SAMMSON: variants seen among roughly 807,000 people sequenced by gnomAD.
SAMMSON encodes the protein survival associated mitochondrial melanoma specific oncogenic non-coding RNA.
Position 70,125,326 on chromosome 3 carries a change from A to T in SAMMSON, n.507+53761A>T, listed in dbSNP as rs971564610. 4.3e-6 allele frequency: 6 copies of T among 1,411,434 alleles called. No individual in the cohort carries two copies. The Admixed American group carries it at 9.5e-5, about 22-fold the overall frequency. 87.4% of individuals were successfully genotyped at this position (1,411,434 alleles called of 1,614,324 possible). ...AAATATATTTAAGGTCCTTTTCTTGAACATGTTTAGCTAAATTCTTTACAT... is the reference window on the plus strand; with the variant it reads ...AAATATATTTAAGGTCCTTTTCTTGTACATGTTTAGCTAAATTCTTTACAT... On this transcript the variant is annotated intron_variant and non_coding_transcript_variant, in intron 4 of 9. Coordinates refer to ENST00000642114, the Ensembl canonical transcript of SAMMSON.
At chr3:70,305,234 C>T (rs1251514262) in intron 7 of SAMMSON, among the ~76,000 whole-genome samples, 2 of 151,686 alleles carry the variant, frequency 1.3e-5, no homozygotes, top group East Asian at 1.9e-4. Context: ...TTTTTTCCGT[C>T]GGCTATGCTT....
chr3:70,146,404 C>T (rs1365137989), intron 4 of SAMMSON, among the ~76,000 whole-genome samples: 3 of 151,964 alleles, frequency 2.0e-5, no homozygotes, highest in South Asian at 4.1e-4. Context: ...AACATAGATA[C>T]ACAAATCCTC....
intron 2 of SAMMSON, among the ~76,000 whole-genome samples, chr3:70,412,088 T>C (rs959852975): frequency 6.6e-6 from 1 of 152,192 alleles, no homozygotes; most frequent in Non-Finnish European, 1.5e-5. Context: ...TCCTTTCATG[T>C]TAATGAGGGG....
At chr3:70,287,661 GA>G (rs1702180350) in intron 6 of SAMMSON, among the ~76,000 whole-genome samples, 1 of 152,072 alleles carries the variant, frequency 6.6e-6, no homozygotes, top group Non-Finnish European at 1.5e-5. Flanking sequence ...ACCTCTGGTA[GA>G]ATTTGGCTGT....
intron 6 of SAMMSON, among the ~76,000 whole-genome samples, chr3:70,289,874 C>T (rs1004541243): frequency 6.6e-6 from 1 of 151,934 alleles, no homozygotes. Flanking sequence ...CTTCTGCATT[C>T]TTCACGTAGT....
intron 4 of SAMMSON, among the ~76,000 whole-genome samples, chr3:70,238,344 A>G (rs1305595222): frequency 6.6e-6 from 1 of 152,004 alleles, no homozygotes; most frequent in African/African-American, 2.4e-5. Flanking sequence ...ATCGTGGCTC[A>G]CACCTGTAAC....
chr3:70,230,001 A>G (rs1216481121), intron 4 of SAMMSON, among the ~76,000 whole-genome samples: 3 of 152,176 alleles, frequency 2.0e-5, no homozygotes, highest in African/African-American at 7.2e-5. Flanking sequence ...AGTATAATAT[A>G]TTATTATCTA....
At chr3:70,093,194 C>T (rs1252418370) in intron 4 of SAMMSON, among the ~76,000 whole-genome samples, 1 of 152,124 alleles carries the variant, frequency 6.6e-6, no homozygotes, top group Admixed American at 6.5e-5. Context: ...TAGCATGGGA[C>T]AGGGCATAAT....
chr3:70,149,334 T>G (rs1464928131), intron 4 of SAMMSON, among the ~76,000 whole-genome samples: 1 of 152,072 alleles, frequency 6.6e-6, no homozygotes, highest in East Asian at 1.9e-4. Context: ...TTTTCTAGTT[T>G]GCTAATGTAA....
At chr3:70,131,655 A>C (rs556435522) in intron 4 of SAMMSON, among the ~76,000 whole-genome samples, 2 of 152,282 alleles carry the variant, frequency 1.3e-5, no homozygotes, top group African/African-American at 4.8e-5. Flanking sequence ...ATCATGGCTC[A>C]TTGCAGCCTC....
At position 70,423,441 on chromosome 3, in the gene SAMMSON, C is replaced by G. The variant is rs559442969; in HGVS notation, n.234-39119C>G. ...GCTGCATTCTTCCAGGTAGGCATGC[C>G]AAGCACTTAGGCATGGAGATCACAT... is the stretch of plus-strand genomic sequence containing the variant. On this transcript the variant is annotated intron_variant and non_coding_transcript_variant, in intron 2 of 3. Transcript: ENST00000641053. Among the ~76,000 whole-genome samples, 4 of 152,170 alleles carry G rather than the reference C, an allele frequency of 2.6e-5. No homozygotes were observed. In the East Asian group the frequency reaches 7.7e-4, roughly 29 times the overall value.
At chr3:70,376,295 T>C (rs1392444243) in intron 9 of SAMMSON, among the ~76,000 whole-genome samples, 1 of 152,222 alleles carries the variant, frequency 6.6e-6, no homozygotes, top group Admixed American at 6.5e-5. Context: ...TTCAACTAGT[T>C]GGTGATTTTG....
At chr3:70,248,353 T>A (rs372544064) in intron 4 of SAMMSON, among the ~76,000 whole-genome samples, 1 of 151,924 alleles carries the variant, frequency 6.6e-6, no homozygotes, top group Non-Finnish European at 1.5e-5. Context: ...GGAGAAAAAA[T>A]TTTGAAAAGC....
chr3:70,299,182 C>T (rs1338173001), intron 7 of SAMMSON, among the ~76,000 whole-genome samples: 1 of 152,052 alleles, frequency 6.6e-6, no homozygotes, highest in African/African-American at 2.4e-5. Context: ...TCATAGAATA[C>T]TATATGTAGA....
rs112672121 is a variant in SAMMSON at position 70,309,017 on chromosome 3, C to A, written n.739+17774C>A. Among the ~76,000 whole-genome samples, 376 of 152,166 alleles carry A rather than the reference C, an allele frequency of 2.5e-3. 5 individuals carry two copies. Among genetic ancestry groups the A allele is most frequent in the African/African-American group, 8.3e-3 (344 of 41,502 alleles). The stretch of plus-strand genomic sequence containing the variant: ...TCATGTGAGATGTAACCACTTTGTT[C>A]TTAATGAGAAAAACACTTTTTTGAA... On this transcript the variant is annotated intron_variant and non_coding_transcript_variant, in intron 7 of 9. Coordinates refer to ENST00000642114, the Ensembl canonical transcript of SAMMSON.
intron 4 of SAMMSON, among the ~76,000 whole-genome samples, chr3:70,238,088 C>T (rs1246696130): frequency 1.5e-5 from 2 of 133,614 alleles, no homozygotes; most frequent in African/African-American, 2.8e-5. Flanking sequence ...GTGGAAATGG[C>T]TTGCCCTGTC....
intron 4 of SAMMSON, among the ~76,000 whole-genome samples, chr3:70,214,862 A>T (rs988137389): frequency 6.6e-6 from 1 of 152,016 alleles, no homozygotes; most frequent in Admixed American, 6.6e-5. Flanking sequence ...GTGTCTCAAG[A>T]AATAAAGATT....
chr3:70,134,051 G>A (rs2067494750), intron 4 of SAMMSON, among the ~76,000 whole-genome samples: 1 of 149,982 alleles, frequency 6.7e-6, no homozygotes, highest in East Asian at 2.0e-4. Context: ...AGACCTGTCT[G>A]GCCAACATGG....
intron 4 of SAMMSON, among the ~76,000 whole-genome samples, chr3:70,239,906 C>T (rs1267329203): frequency 2.0e-5 from 3 of 152,006 alleles, no homozygotes; most frequent in Non-Finnish European, 4.4e-5. Context: ...TTTACTCTTG[C>T]GGACAAAATA....
Sources: allele counts gnomAD v4.1 joint callset (sites outside exome capture counted in the v4.1 genomes callset), GRCh38; gene constraint gnomAD v4.1.1; transcripts MANE v1.5; gene names NCBI Gene and HGNC (gene_info 2026-07-23, HGNC 2026-07-21).